Variants in HSPG2 observed in about 807,000 individuals in gnomAD.
The protein encoded by HSPG2 is basement membrane-specific heparan sulfate proteoglycan core protein.
In HSPG2, 278 loss-of-function variants were observed where a neutral mutation model predicts 526.6. That is an observed-to-expected ratio of 0.53 (90% CI 0.48 to 0.58). The LOEUF (loss-of-function observed/expected upper bound fraction) is 0.58, where lower values mean the gene tolerates loss of function less well. Ranked by LOEUF, HSPG2 falls within the 20% of genes least tolerant of loss-of-function variation. The probability of loss-of-function intolerance (pLI) is 0.00; values close to 1 mark genes in which losing one functional copy is unlikely to be tolerated. For missense variants in HSPG2, 5,354 were observed against 6,099.5 expected (o/e 0.88, Z 4.07); for synonymous variants, 2,465 against 2,555.4 (o/e 0.96, Z 1.07).
chr1:21,873,195 G>T, intron 30 of HSPG2, 104 bp from the exon 31 acceptor site: 1 of 1,174,616 alleles, frequency 8.5e-7, no homozygotes, highest in Non-Finnish European at 1.3e-6. Context: ...TTTCTGATGT[G>T]AGTACTCAAC....
At chr1:21,886,732 G>A (rs1198171288) in intron 9 of HSPG2, among the ~76,000 whole-genome samples, 2 of 152,164 alleles carry the variant, frequency 1.3e-5, no homozygotes, top group Admixed American at 1.3e-4. Context: ...GATGGATGAA[G>A]GGCTGGGTGG....
chr1:21,932,107 G>A (rs538200601), intron 1 of HSPG2, among the ~76,000 whole-genome samples: 20 of 151,450 alleles, frequency 1.3e-4, no homozygotes, highest in Non-Finnish European at 2.5e-4. Flanking sequence ...GCGTCCCTAG[G>A]AGACCCCACG....
At chr1:21,841,893 C>A in intron 69 of HSPG2, 109 bp downstream of exon 69, 1 of 1,490,316 alleles carries the variant, frequency 6.7e-7, no homozygotes, top group Middle Eastern at 2.4e-4. Context: ...CTCAGGGCCA[C>A]ACCATGAATG....
At chr1:21,856,169 C>T (rs1405046347) in intron 44 of HSPG2, among the ~76,000 whole-genome samples, 2 of 152,144 alleles carry the variant, frequency 1.3e-5, no homozygotes, top group Non-Finnish European at 2.9e-5. Context: ...CATGCTCTCC[C>T]GTCTGCCCAC....
chr1:21,919,516 C>A (rs1329401577), intron 1 of HSPG2, among the ~76,000 whole-genome samples: 4 of 151,764 alleles, frequency 2.6e-5, no homozygotes, highest in African/African-American at 9.7e-5. Flanking sequence ...CTTCACTGAA[C>A]CCCCACCTGG....
In HSPG2 at chr1:21,831,462, C is replaced by T; in HGVS notation, c.11452+1G>A. On this transcript the variant is annotated splice_donor_variant, in intron 83 of 96. Transcript: ENST00000374695. LOFTEE classifies it high-confidence loss of function. ...CAGCTGGAGGTGGGGAGGGGGCTCA[C>T]CTATGAAGCCGCTGCTCAGCCCCGC... The T allele has an allele frequency of 3.1e-6, 5 of 1,613,754 alleles. No individual in the cohort carries two copies. Among genetic ancestry groups the T allele is most frequent in the South Asian group, 1.1e-5 (1 of 91,078 alleles).
intron 65 of HSPG2, 95 bp downstream of exon 65, chr1:21,844,052 GC>G: frequency 1.3e-6 from 2 of 1,513,314 alleles, no homozygotes; most frequent in African/African-American, 1.4e-5. Context: ...TTTCCCACAA[GC>G]CCCAGTTGCT....
chr1:21,855,501 C>G (rs564129349), intron 46 of HSPG2, 22 bp downstream of exon 46: 5 of 1,611,272 alleles, frequency 3.1e-6, no homozygotes, highest in South Asian at 1.1e-5. Flanking sequence ...TCCCGGCCCC[C>G]ACCCTGAGCC....
chr1:21,917,229 T>G (rs35639774), intron 1 of HSPG2, among the ~76,000 whole-genome samples: 1,976 of 151,956 alleles, frequency 0.013, 25 homozygotes, highest in Middle Eastern at 0.027. Context: ...CCCAAGAAGT[T>G]TGGGACCAGA....
intron 56 of HSPG2, 55 bp from the exon 57 acceptor site, chr1:21,850,247 G>A: frequency 6.2e-7 from 1 of 1,612,026 alleles, no homozygotes; most frequent in Non-Finnish European, 8.5e-7. Flanking sequence ...ATGAGATGGG[G>A]CTCCTGGTCT....
Position 21,848,623 on chromosome 1 carries a change from C to T in HSPG2, c.7737+20G>A, listed in dbSNP as rs1323616123. The T allele has an allele frequency of 3.7e-6, 6 of 1,612,572 alleles. No homozygotes were observed. Among genetic ancestry groups the T allele is most frequent in the East Asian group, 2.2e-5 (1 of 44,886 alleles). On this transcript the variant is annotated intron_variant, in intron 59 of 96. Coordinates refer to ENST00000374695, the MANE Select transcript of HSPG2 (RefSeq NM_005529.7). The surrounding 1 kb of genome is among the most constrained non-coding windows in gnomAD (Gnocchi z 4.9). ...GCTGGTGTGCCCTGCTTTTGCCCTC[C>T]CCACCTGCTGGCCCTGTACCTGGTG...
chr1:21,831,923 G>A (rs1287212815), intron 81 of HSPG2, 127 bp from the exon 82 acceptor site: 1 of 1,014,212 alleles, frequency 9.9e-7, no homozygotes, highest in Non-Finnish European at 1.4e-6. Flanking sequence ...CCAGCCCTGG[G>A]GCTGTTCCCG....
Position 21,878,993 on chromosome 1 carries a change from C to T in HSPG2, c.2471+1G>A. On this transcript the variant is annotated splice_donor_variant, in intron 18 of 96. Transcript: ENST00000374695. LOFTEE classifies it high-confidence loss of function. ...CCCCCTGACCCGGAGCTGGGGCTGACCTGCGGGAGGCATCGATGTATGGGC... is the reference window on the plus strand; with the variant it reads ...CCCCCTGACCCGGAGCTGGGGCTGATCTGCGGGAGGCATCGATGTATGGGC... The T allele has an allele frequency of 6.2e-7, 1 of 1,613,488 alleles. No homozygotes were observed. The highest frequency in any genetic ancestry group is 8.5e-7 in the Non-Finnish European group (1 of 1,179,748).
chr1:21,830,370 T>C (rs2097997311), intron 85 of HSPG2: 1 of 447,580 alleles, frequency 2.2e-6, no homozygotes, highest in South Asian at 2.3e-5. Context: ...TGGCGGGTAA[T>C]GGGGTGGGCA....
chr1:21,851,745 C>T (rs1289739355), intron 54 of HSPG2, 46 bp downstream of exon 54: 1 of 1,614,014 alleles, frequency 6.2e-7, no homozygotes. Context: ...TGAAGCCACT[C>T]CAGCCTGTTC....
chr1:21,919,739 T>C (rs1643981988), intron 1 of HSPG2, among the ~76,000 whole-genome samples: 1 of 152,318 alleles, frequency 6.6e-6, no homozygotes, highest in Middle Eastern at 3.4e-3. Flanking sequence ...CCTGAAACTC[T>C]GCATTTCTGA....
At position 21,858,625 on chromosome 1, in the gene HSPG2, C is replaced by G. The variant is rs1249862426; in HGVS notation, c.5293+941G>C. 6.6e-6 allele frequency among the ~76,000 whole-genome samples: 1 copy of G among 152,236 alleles called. No homozygotes were observed. Among genetic ancestry groups the G allele is most frequent in the Non-Finnish European group, 1.5e-5 (1 of 68,052 alleles). On this transcript the variant is annotated intron_variant, in intron 42 of 96. Coordinates refer to ENST00000374695, the MANE Select transcript of HSPG2 (RefSeq NM_005529.7). This position sits in a 1 kb window ranked among gnomAD's most constrained non-coding sequence, Gnocchi z 4.2. ...ACGTCCAAAACAAACTTGCGATTCT[C>G]TCTGACCTGTTTGTAGCCTGTGCTG...
chr1:21,831,315 C>T lies in HSPG2; in HGVS notation c.11462G>A (p.Arg3821Gln), dbSNP rs751425290. The stretch of plus-strand genomic sequence containing the variant: ...CTCCTCGCCCTGGATGCGCAGCTCC[C>T]GGACACAGCCTGGGAGGTGAGTGGG... ...GLSSGFIGCV[R>Q]ELRIQGEEIV... Residue 3821 changes from arginine to glutamine, a missense_variant, in exon 84 of 97, where the codon CGG becomes CAG. Arg to Gln is a conservative substitution (Grantham distance 43). Transcript: ENST00000374695. 24 of 1,613,840 alleles carry T rather than the reference C, an allele frequency of 1.5e-5. No individual in the cohort carries two copies. Among genetic ancestry groups the T allele is most frequent in the African/African-American group, 5.3e-5 (4 of 74,912 alleles).
chr1:21,838,021 A>T (rs967623723), intron 74 of HSPG2, among the ~76,000 whole-genome samples: 23 of 151,250 alleles, frequency 1.5e-4, no homozygotes, highest in African/African-American at 5.6e-4. Context: ...CTGTAGTGCC[A>T]GCTACTCGGG....
Sources: allele counts gnomAD v4.1 joint callset (sites outside exome capture counted in the v4.1 genomes callset), GRCh38; gene constraint gnomAD v4.1.1; non-coding constraint Gnocchi (gnomAD v3.1); transcripts MANE v1.5; gene names NCBI Gene and HGNC (gene_info 2026-07-23, HGNC 2026-07-21).